Variants in PDE10A observed in about 807,000 individuals in gnomAD.
PDE10A encodes cAMP and cAMP-inhibited cGMP 3',5'-cyclic phosphodiesterase 10A.
In PDE10A, 39 loss-of-function variants were observed where a neutral mutation model predicts 97.7. That is an observed-to-expected ratio of 0.40 (90% CI 0.31 to 0.52). The LOEUF (loss-of-function observed/expected upper bound fraction) is 0.52, where lower values mean the gene tolerates loss of function less well. Among genes scored for constraint, PDE10A ranks in the 20% least tolerant of loss-of-function variants. PDE10A has a pLI of 0.56. For missense variants in PDE10A, 731 were observed against 1,047.8 expected (o/e 0.70, Z 4.17); for synonymous variants, 371 against 376.8 (o/e 0.98, Z 0.18).
intron 1 of PDE10A, among the ~76,000 whole-genome samples, chr6:165,925,101 G>A (rs1052557857): frequency 2.6e-5 from 4 of 152,170 alleles, no homozygotes; most frequent in African/African-American, 9.7e-5. Flanking sequence ...ATAAACAGCT[G>A]CTTTGTTGAA....
intron 1 of PDE10A, among the ~76,000 whole-genome samples, chr6:165,980,911 T>C (rs1323529267): frequency 6.6e-6 from 1 of 152,214 alleles, no homozygotes; most frequent in Non-Finnish European, 1.5e-5. Context: ...TTATTAAAAG[T>C]GCTCCTCCTG....
chr6:165,985,786 G>A (rs545391861), intron 1 of PDE10A, among the ~76,000 whole-genome samples: 1 of 152,238 alleles, frequency 6.6e-6, no homozygotes, highest in East Asian at 1.9e-4. Context: ...CAGGCATGAG[G>A]GAAAACAGTC....
intron 2 of PDE10A, among the ~76,000 whole-genome samples, chr6:165,499,436 G>A (rs1403824597): frequency 6.6e-6 from 1 of 152,112 alleles, no homozygotes; most frequent in Non-Finnish European, 1.5e-5. Context: ...ATAAAGACTA[G>A]GAATGGAAAA....
At chr6:165,888,834 A>C (rs892666728) in intron 1 of PDE10A, among the ~76,000 whole-genome samples, 3 of 152,234 alleles carry the variant, frequency 2.0e-5, no homozygotes, top group Non-Finnish European at 4.4e-5. Flanking sequence ...TCACTAGTTG[A>C]GTATTTGAAA....
At chr6:165,749,892 A>C (rs886947277) in intron 1 of PDE10A, among the ~76,000 whole-genome samples, 2 of 152,228 alleles carry the variant, frequency 1.3e-5, no homozygotes, top group Non-Finnish European at 2.9e-5. Context: ...TTGAGGTTAC[A>C]TGGAGTAACT....
chr6:165,748,062 TCCA>T (rs1396605979), intron 1 of PDE10A, among the ~76,000 whole-genome samples: 1 of 152,140 alleles, frequency 6.6e-6, no homozygotes, highest in Non-Finnish European at 1.5e-5. Context: ...TCCTACACGA[TCCA>T]CCACCTTCTA....
intron 1 of PDE10A, among the ~76,000 whole-genome samples, chr6:165,932,699 T>G (rs1308153153): frequency 6.6e-6 from 1 of 152,236 alleles, no homozygotes. Context: ...CTCAAACTAC[T>G]GACCTCAGGT....
intron 18 of PDE10A, among the ~76,000 whole-genome samples, chr6:165,348,626 C>T (rs930120322): frequency 6.6e-5 from 10 of 152,206 alleles, no homozygotes; most frequent in Non-Finnish European, 1.3e-4. Context: ...TCCTCTCTCT[C>T]TCTTTTCTGT....
intron 2 of PDE10A, among the ~76,000 whole-genome samples, chr6:165,510,568 C>A (rs1234560936): frequency 6.6e-6 from 1 of 151,918 alleles, no homozygotes; most frequent in East Asian, 1.9e-4. Flanking sequence ...GGGGAGAACT[C>A]CCTCCTCTTC....
chr6:165,909,595 C>A (rs766217591), intron 1 of PDE10A, among the ~76,000 whole-genome samples: 1 of 152,182 alleles, frequency 6.6e-6, no homozygotes, highest in Non-Finnish European at 1.5e-5. Flanking sequence ...TAACTGGCTG[C>A]CCCATTGGTT....
intron 1 of PDE10A, among the ~76,000 whole-genome samples, chr6:165,626,902 G>A (rs1217834051): frequency 6.6e-6 from 1 of 152,202 alleles, no homozygotes; most frequent in African/African-American, 2.4e-5. Flanking sequence ...AAGGATTTAT[G>A]ACACGGGCTT....
chr6:165,375,203 A>C (rs1222453210), intron 18 of PDE10A, among the ~76,000 whole-genome samples: 1 of 152,238 alleles, frequency 6.6e-6, no homozygotes, highest in African/African-American at 2.4e-5. Context: ...AGAAGTGACT[A>C]AACTTAGGAA....
intron 1 of PDE10A, among the ~76,000 whole-genome samples, chr6:165,658,372 C>G (rs1790069383): frequency 6.6e-6 from 1 of 152,162 alleles, no homozygotes; most frequent in African/African-American, 2.4e-5. Context: ...CTGCATTCAC[C>G]ATTTTTTTTC....
chr6:165,753,305 G>A (rs909059125), intron 1 of PDE10A, among the ~76,000 whole-genome samples: 12 of 152,136 alleles, frequency 7.9e-5, no homozygotes, highest in African/African-American at 2.4e-4. Context: ...GGGAGTCCAC[G>A]GCAGGCCAAG....
intron 1 of PDE10A, among the ~76,000 whole-genome samples, chr6:165,587,398 C>T (rs1049670640): frequency 1.2e-4 from 19 of 152,250 alleles, no homozygotes; most frequent in Admixed American, 2.6e-4. Flanking sequence ...CAGCAATTTA[C>T]GGAAAACAAA....
chr6:165,783,024 C>T (rs191032785), intron 1 of PDE10A, among the ~76,000 whole-genome samples: 53 of 148,736 alleles, frequency 3.6e-4, no homozygotes, highest in South Asian at 1.8e-3. Flanking sequence ...TACACTTCCT[C>T]GCTTATAAAT....
intron 13 of PDE10A, among the ~76,000 whole-genome samples, chr6:165,406,134 A>G (rs1385135335): frequency 6.6e-6 from 1 of 151,994 alleles, no homozygotes; most frequent in Non-Finnish European, 1.5e-5. Flanking sequence ...GAAGTATTAA[A>G]CTTTTATTTT....
At chr6:165,433,524 G>T (rs965121675) in intron 6 of PDE10A, among the ~76,000 whole-genome samples, 4 of 152,128 alleles carry the variant, frequency 2.6e-5, no homozygotes, top group Admixed American at 2.0e-4. Flanking sequence ...ACTATGTGAA[G>T]AAAATTATTT....
At chr6:165,406,382 A>T (rs1426220622) in intron 13 of PDE10A, among the ~76,000 whole-genome samples, 1 of 152,098 alleles carries the variant, frequency 6.6e-6, no homozygotes, top group African/African-American at 2.4e-5. Context: ...TTTCTTGGGA[A>T]TATACAATAC....
Sources: gnomAD v4.1 joint callset for allele counts (sites outside exome capture counted in the v4.1 genomes callset) on GRCh38, gnomAD v4.1.1 for gene constraint, MANE v1.5 for transcripts, NCBI Gene and HGNC (gene_info 2026-07-23, HGNC 2026-07-21) for gene names.